Variants in IL31RA observed in about 807,000 individuals in gnomAD.
IL31RA encodes the protein interleukin 31 receptor A.
A neutral mutation model predicts 83.7 loss-of-function variants in IL31RA; 66 were observed. The observed-to-expected ratio is 0.79, with a 90% CI of 0.65 to 0.97. IL31RA has a LOEUF of 0.97. Among genes scored for constraint, IL31RA ranks in the 50% least tolerant of loss-of-function variants. The pLI, the probability that IL31RA is intolerant of heterozygous loss-of-function variation, is 0.00. For synonymous variants in IL31RA, 325 were observed against 329.0 expected, an observed-to-expected ratio of 0.99 and a Z score of 0.13; for missense variants, 798 against 919.4, an observed-to-expected ratio of 0.87 and a Z score of 1.71.
At chr5:55,870,504 C>A (rs967258481) in intron 3 of IL31RA, among the ~76,000 whole-genome samples, 4 of 152,178 alleles carry the variant, frequency 2.6e-5, no homozygotes, top group Non-Finnish European at 2.9e-5. Context: ...AATCTGGGCA[C>A]CTTTATAGGT....
chr5:55,867,280 T>TGC lies in IL31RA; in HGVS notation c.155-1510_155-1509insCG, dbSNP rs1746221860. ...GTGTGTTTGTGTGCGTGTGTGTGCA[T>TGC]GTGTGTGTGCATGTGTGTGTGTGCG... On this transcript the variant is annotated intron_variant, in intron 2 of 14. Transcript: ENST00000652347. 7.7e-5 allele frequency among the ~76,000 whole-genome samples: 5 copies of TGC among 65,048 alleles called. No homozygotes were observed. The South Asian group carries it at 2.3e-3, about 30-fold the overall frequency. 42.7% of individuals were successfully genotyped at this position (65,048 alleles called of 152,430 possible).
intron 2 of IL31RA, among the ~76,000 whole-genome samples, chr5:55,867,318 C>T (rs55708062): frequency 0.075 from 3,026 of 40,258 alleles, 50 homozygotes; most frequent in South Asian, 0.14. Flanking sequence ...TGTGTGTGTG[C>T]GTGTGTGTGT....
chr5:55,883,128 A>G lies in IL31RA; in HGVS notation c.539A>G (p.Glu180Gly). 1 of 1,614,028 alleles carries G rather than the reference A, an allele frequency of 6.2e-7. No individual in the cohort carries two copies. Among genetic ancestry groups the G allele is most frequent in the East Asian group, 2.2e-5 (1 of 44,868 alleles). The change falls in exon 5 of 15, where the codon GAG becomes GGG. Residue 180 changes from glutamate (E) to glycine (G), a missense_variant. Glu to Gly is a moderately conservative substitution (Grantham distance 98, BLOSUM62 -2). Transcript: ENST00000652347. ...RMIQIEWIKP[E>G]LAPVSSDLKY... ...ATTCAAATTGAATGGATAAAGCCTG[A>G]GTTGGCGCCTGTTTCATCTGATTTA...
intron 1 of IL31RA, among the ~76,000 whole-genome samples, chr5:55,855,132 C>T (rs1264518456): frequency 1.3e-5 from 2 of 151,846 alleles, no homozygotes; most frequent in South Asian, 2.1e-4. Flanking sequence ...AGAAGTTACT[C>T]CCTCTTCTTT....
chr5:55,867,203 G>GT (rs1746175486), intron 2 of IL31RA, among the ~76,000 whole-genome samples: 1 of 94,482 alleles, frequency 1.1e-5, no homozygotes, highest in Admixed American at 9.3e-5. Context: ...GTGTGTTTGT[G>GT]TGTGTGCGCA....
intron 2 of IL31RA, chr5:55,866,600 G>C (rs1199743639): frequency 2.0e-5 from 3 of 152,262 alleles, no homozygotes; most frequent in African/African-American, 7.2e-5. Flanking sequence ...ACCTCCTGCT[G>C]TGTGGCCCAG....
chr5:55,889,572 G>C (rs1235345536), intron 5 of IL31RA, among the ~76,000 whole-genome samples: 1 of 152,232 alleles, frequency 6.6e-6, no homozygotes, highest in Non-Finnish European at 1.5e-5. Context: ...ATGCAGCTAA[G>C]GTCTCTGTTT....
At chr5:55,901,276 G>A (rs1341473977) in intron 8 of IL31RA, among the ~76,000 whole-genome samples, 2 of 152,124 alleles carry the variant, frequency 1.3e-5, no homozygotes, top group Non-Finnish European at 2.9e-5. Flanking sequence ...GTGTCATTGG[G>A]GCACACATTC....
chr5:55,880,820 A>G (rs1023175390), intron 4 of IL31RA, among the ~76,000 whole-genome samples: 2 of 152,220 alleles, frequency 1.3e-5, no homozygotes, highest in Admixed American at 1.3e-4. Context: ...TTTGTCCTCA[A>G]GGAGTTTTAA....
intron 7 of IL31RA, among the ~76,000 whole-genome samples, chr5:55,897,542 T>C (rs146675201): frequency 8.1e-4 from 123 of 152,224 alleles, no homozygotes; most frequent in African/African-American, 2.8e-3. Flanking sequence ...CCTCGAGTCA[T>C]TGGCAACATA....
At chr5:55,859,716 C>A (rs1455144707) in intron 2 of IL31RA, 117 bp downstream of exon 2, 3 of 774,270 alleles carry the variant, frequency 3.9e-6, no homozygotes, top group Non-Finnish European at 6.9e-6. Context: ...GAAAAGGGGA[C>A]TTGTGAACAC....
At chr5:55,907,027 T>C (rs1173728739) in intron 9 of IL31RA, among the ~76,000 whole-genome samples, 1 of 152,238 alleles carries the variant, frequency 6.6e-6, no homozygotes. Context: ...AGGGTGATGA[T>C]ATGTTGTTCT....
At chr5:55,906,324 A>C in intron 9 of IL31RA, 36 bp downstream of exon 9, 1 of 1,601,812 alleles carries the variant, frequency 6.2e-7, no homozygotes, top group Non-Finnish European at 8.5e-7. Flanking sequence ...CCCTCAGTGC[A>C]GGGTTTGGTT....
intron 8 of IL31RA, 49 bp downstream of exon 8, chr5:55,900,181 G>A (rs1237630215): frequency 6.0e-6 from 8 of 1,342,762 alleles, no homozygotes; most frequent in Non-Finnish European, 8.6e-6. Context: ...CCATCAATTG[G>A]CCAAGGAGCA....
At chr5:55,867,137 A>ATGTGTGTGCATGTG (rs1246490506) in intron 2 of IL31RA, among the ~76,000 whole-genome samples, 8 of 85,826 alleles carry the variant, frequency 9.3e-5, no homozygotes, top group African/African-American at 3.1e-4. Flanking sequence ...GTGTGTGTGC[A>ATGTGTGTGCATGTG]TGTGTGTGTG....
At chr5:55,862,643 G>A (rs1421205585) in intron 2 of IL31RA, among the ~76,000 whole-genome samples, 1 of 152,140 alleles carries the variant, frequency 6.6e-6, no homozygotes, top group Non-Finnish European at 1.5e-5. Flanking sequence ...TCCTGAACTC[G>A]TGATCCGCCC....
At chr5:55,884,975 T>C (rs1044035825) in intron 5 of IL31RA, among the ~76,000 whole-genome samples, 1 of 152,228 alleles carries the variant, frequency 6.6e-6, no homozygotes, top group African/African-American at 2.4e-5. Context: ...TATCCCCAGA[T>C]TTGATAACAC....
chr5:55,920,143 C>T lies in IL31RA; in HGVS notation c.*3023C>T, dbSNP rs370836868. ...GGGAGGCAGCGGTGTGAAAACACCA[C>T]GCAAGGGTCTGGAGGAGGCAGGAGA... On this transcript the variant is annotated 3_prime_UTR_variant, in exon 15 of 15. Coordinates refer to ENST00000652347, the MANE Select transcript of IL31RA (RefSeq NM_139017.7). 1.3e-5 allele frequency among the ~76,000 whole-genome samples: 2 copies of T among 152,162 alleles called. No individual in the cohort carries two copies. The highest frequency in any genetic ancestry group is 2.4e-5 in the African/African-American group (1 of 41,438).
rs1746757221 is a variant in IL31RA, at chr5:55,875,126, T to C, written c.454+2675T>C. On this transcript the variant is annotated intron_variant, in intron 4 of 14. Transcript: ENST00000652347. Reference sequence around the variant, plus strand: ...CATGCCTTTTCTTTATCTGGTGGGATGATCATATGGTTTTGTCTTTTATTA... The same window carrying C: ...CATGCCTTTTCTTTATCTGGTGGGACGATCATATGGTTTTGTCTTTTATTA... Among the ~76,000 whole-genome samples, 3 of 152,200 alleles carry C rather than the reference T, an allele frequency of 2.0e-5. No homozygotes were observed. In the South Asian group the frequency reaches 6.2e-4, roughly 31 times the overall value.
Sources: allele counts gnomAD v4.1 joint callset (sites outside exome capture counted in the v4.1 genomes callset), GRCh38; gene constraint gnomAD v4.1.1; transcripts MANE v1.5; gene names NCBI Gene and HGNC (gene_info 2026-07-23, HGNC 2026-07-21).